Variants in FNDC3B observed in about 807,000 individuals in gnomAD.
The protein encoded by FNDC3B is fibronectin type III domain containing 3B.
A neutral mutation model predicts 151.5 loss-of-function variants in FNDC3B; 12 were observed. That is an observed-to-expected ratio of 0.08 (90% CI 0.05 to 0.13). FNDC3B has a LOEUF of 0.13. Among genes scored for constraint, FNDC3B ranks in the 10% least tolerant of loss-of-function variants. FNDC3B has a pLI of 1.00. For missense variants in FNDC3B, 1,214 were observed against 1,505.3 expected (o/e 0.81, Z 3.20); for synonymous variants, 528 against 549.0 (o/e 0.96, Z 0.54).
chr3:172,358,000 G>A (rs1014788985), intron 22 of FNDC3B, among the ~76,000 whole-genome samples: 9 of 152,212 alleles, frequency 5.9e-5, no homozygotes, highest in Admixed American at 2.6e-4. Flanking sequence ...AACTGAAAGT[G>A]TGGTTTGAAT....
At chr3:172,269,887 T>G (rs1462476644) in intron 6 of FNDC3B, among the ~76,000 whole-genome samples, 1 of 152,186 alleles carries the variant, frequency 6.6e-6, no homozygotes, top group African/African-American at 2.4e-5. Context: ...GACCTCGTGA[T>G]CCGCCCACCT....
intron 1 of FNDC3B, among the ~76,000 whole-genome samples, chr3:172,088,757 C>G (rs2108507785): frequency 6.6e-6 from 1 of 152,212 alleles, no homozygotes; most frequent in South Asian, 2.1e-4. Flanking sequence ...AAAAGAAATG[C>G]AATTGATCAT....
At chr3:172,307,072 G>A (rs767512394) in intron 9 of FNDC3B, 3 of 267,066 alleles carry the variant, frequency 1.1e-5, no homozygotes, top group Non-Finnish European at 2.2e-5. Flanking sequence ...AGATCGTTCT[G>A]GGGTTAAGGT....
chr3:172,392,563 G>A (rs1560113976), intron 25 of FNDC3B, among the ~76,000 whole-genome samples: 1 of 151,918 alleles, frequency 6.6e-6, no homozygotes, highest in Non-Finnish European at 1.5e-5. Context: ...CTAAATTCAT[G>A]TCCAGTGCAC....
intron 4 of FNDC3B, among the ~76,000 whole-genome samples, chr3:172,228,406 T>C (rs1033065043): frequency 6.6e-6 from 1 of 152,234 alleles, no homozygotes; most frequent in African/African-American, 2.4e-5. Context: ...CCTTTTATGC[T>C]AAAGGTCCAT....
At chr3:172,339,578 A>C (rs112796188) in intron 16 of FNDC3B, among the ~76,000 whole-genome samples, 3 of 152,004 alleles carry the variant, frequency 2.0e-5, no homozygotes, top group African/African-American at 7.2e-5. Flanking sequence ...AAAAAACAAA[A>C]AACAAACAAA....
chr3:172,132,045 G>T (rs1004567523), intron 2 of FNDC3B, among the ~76,000 whole-genome samples: 1 of 152,194 alleles, frequency 6.6e-6, no homozygotes, highest in Non-Finnish European at 1.5e-5. Flanking sequence ...ATTGATTGCA[G>T]TTGTAAATTC....
chr3:172,303,342 T>C (rs563842904), intron 9 of FNDC3B, among the ~76,000 whole-genome samples: 1 of 152,318 alleles, frequency 6.6e-6, no homozygotes, highest in African/African-American at 2.4e-5. Flanking sequence ...CCAGAGATGA[T>C]ATCATATAAT....
intron 11 of FNDC3B, among the ~76,000 whole-genome samples, chr3:172,327,319 T>C (rs1372397643): frequency 6.6e-6 from 1 of 151,338 alleles, no homozygotes; most frequent in African/African-American, 2.4e-5. Flanking sequence ...TCCCTTCCAT[T>C]GGGAAAGGTG....
At chr3:172,300,813 A>G (rs1730871771) in intron 9 of FNDC3B, among the ~76,000 whole-genome samples, 1 of 152,188 alleles carries the variant, frequency 6.6e-6, no homozygotes, top group Admixed American at 6.5e-5. Flanking sequence ...GTATTTTTTT[A>G]ACATCCTTTC....
intron 6 of FNDC3B, among the ~76,000 whole-genome samples, chr3:172,281,674 A>C (rs1467539548): frequency 2.6e-5 from 4 of 152,164 alleles, no homozygotes; most frequent in Non-Finnish European, 5.9e-5. Flanking sequence ...TTGCACCAGA[A>C]CCTTGCATTT....
Position 172,352,101 on chromosome 3 carries a change from G to T in FNDC3B, c.2515-702G>T, listed in dbSNP as rs1733884516. Among the ~76,000 whole-genome samples the T allele has an allele frequency of 6.6e-6, 1 of 152,198 alleles. No homozygotes were observed. Among genetic ancestry groups the T allele is most frequent in the Admixed American group, 6.5e-5 (1 of 15,286 alleles). On this transcript the variant is annotated intron_variant, in intron 21 of 25. Coordinates refer to ENST00000415807, the MANE Select transcript of FNDC3B (RefSeq NM_022763.4). The surrounding 1 kb of genome is among the most constrained non-coding windows in gnomAD (Gnocchi z 4.2). ...AAGTACTGAGGGCTGATACTCACCA[G>T]CGTTAAGAGTTCAGGGGATGGTGGC...
chr3:172,228,469 G>A (rs1025061747), intron 4 of FNDC3B, among the ~76,000 whole-genome samples: 3 of 152,160 alleles, frequency 2.0e-5, no homozygotes, highest in Non-Finnish European at 1.5e-5. Flanking sequence ...AAGCTTCAGT[G>A]TGCTTTTTCT....
At chr3:172,180,316 G>T (rs1723827097) in intron 3 of FNDC3B, among the ~76,000 whole-genome samples, 1 of 152,160 alleles carries the variant, frequency 6.6e-6, no homozygotes, top group Non-Finnish European at 1.5e-5. Flanking sequence ...TGGAAGTAAG[G>T]CTCTGGGCTC....
intron 2 of FNDC3B, among the ~76,000 whole-genome samples, chr3:172,131,020 A>C (rs761910567): frequency 6.6e-6 from 1 of 152,176 alleles, no homozygotes; most frequent in South Asian, 2.1e-4. Flanking sequence ...ATTTTCTTCC[A>C]TTGTAGTTTT....
chr3:172,380,736 G>A (rs1428850973), intron 24 of FNDC3B, among the ~76,000 whole-genome samples: 3 of 152,214 alleles, frequency 2.0e-5, no homozygotes, highest in African/African-American at 7.2e-5. Flanking sequence ...TTATTAATGG[G>A]ATAATGGGCA....
At chr3:172,329,599 A>G (rs1283796633) in intron 12 of FNDC3B, 1 of 152,370 alleles carries the variant, frequency 6.6e-6, no homozygotes, top group Non-Finnish European at 1.5e-5. Flanking sequence ...TAAGGTATCA[A>G]TTGATTAAAG....
chr3:172,090,714 T>C lies in FNDC3B; in HGVS notation c.-28-21738T>C, dbSNP rs57204453. Among the ~76,000 whole-genome samples the C allele has an allele frequency of 2.8e-3, 427 of 152,306 alleles. 4 individuals are homozygous for C. Among genetic ancestry groups the C allele is most frequent in the African/African-American group, 9.6e-3 (399 of 41,576 alleles). On this transcript the variant is annotated intron_variant, in intron 1 of 25. Coordinates refer to ENST00000415807, the MANE Select transcript of FNDC3B (RefSeq NM_022763.4). The stretch of plus-strand genomic sequence containing the variant: ...GATAATACAGATTGAGTATCTGCAA[T>C]TTGAAAATCCAAAATGCTCCAAAAT...
Position 172,112,491 on chromosome 3 carries a change from A to G in FNDC3B, c.12A>G (p.Thr4=), listed in dbSNP as rs1047483115. The change falls in exon 2 of 26, where the codon ACA becomes ACG. Residue 4 remains threonine (T), a synonymous_variant. Transcript: ENST00000415807. MYV[T]MMMTDQIPLE... ...GAAGTTCTCCATGAATGTACGTCAC[A>G]ATGATGATGACCGACCAAATCCCTC... The G allele has an allele frequency of 1.2e-6, 2 of 1,613,460 alleles. No individual in the cohort carries two copies. Among genetic ancestry groups the G allele is most frequent in the East Asian group, 2.2e-5 (1 of 44,876 alleles).
Sources: allele counts gnomAD v4.1 joint callset (sites outside exome capture counted in the v4.1 genomes callset), GRCh38; gene constraint gnomAD v4.1.1; non-coding constraint Gnocchi (gnomAD v3.1); transcripts MANE v1.5; gene names NCBI Gene and HGNC (gene_info 2026-07-23, HGNC 2026-07-21).